Variants in MYCBP2 observed in about 807,000 individuals in gnomAD.
MYCBP2 encodes the protein MYC binding protein 2, also known as E3 ubiquitin-protein ligase MYCBP2.
In MYCBP2, 120 loss-of-function variants were observed where a neutral mutation model predicts 525.3. The observed-to-expected ratio is 0.23, with a 90% CI of 0.20 to 0.27. MYCBP2 has a LOEUF of 0.27. Among genes scored for constraint, MYCBP2 ranks in the 10% least tolerant of loss-of-function variants. MYCBP2 has a pLI of 1.00. For missense variants in MYCBP2, 4,149 were observed against 5,657.1 expected (o/e 0.73, Z 8.55); for synonymous variants, 1,894 against 1,955.8 (o/e 0.97, Z 0.83).
intron 77 of MYCBP2, among the ~76,000 whole-genome samples, chr13:77,059,232 A>T (rs546314300): frequency 3.3e-5 from 5 of 152,346 alleles, no homozygotes; most frequent in African/African-American, 1.2e-4. Flanking sequence ...TAATGTCTGT[A>T]AGAGATAAAG....
rs770824912 is a variant in MYCBP2 at position 77,243,870 on chromosome 13, T to C, written c.2463A>G (p.Gln821=). Residue 821 remains glutamine, a synonymous_variant, in exon 16 of 83, where the codon CAA becomes CAG. Transcript: ENST00000544440. The stretch of plus-strand genomic sequence containing the variant: ...CAAGAATTCCTCTTTGTCTTGCCTC[T>C]TGACCATCTAACTCTCTTGCACAGG... ...CKACARELDG[Q]EARQRGILDA... 6.2e-7 allele frequency: 1 copy of C among 1,613,712 alleles called. No homozygotes were observed. The highest frequency in any genetic ancestry group is 8.5e-7 in the Non-Finnish European group (1 of 1,179,904).
intron 15 of MYCBP2, among the ~76,000 whole-genome samples, chr13:77,245,841 T>C (rs1356660407): frequency 5.7e-5 from 7 of 122,088 alleles, no homozygotes; most frequent in Non-Finnish European, 1.3e-4. Context: ...TATATGTATA[T>C]ATATATGTAT....
chr13:77,211,251 C>A lies in MYCBP2; in HGVS notation c.3332G>T (p.Ser1111Ile). ...KCLLINKVDGSCKTFNDSEQE... is the reference protein window; with the variant it reads ...KCLLINKVDGICKTFNDSEQE... ...TTCTGAGTCATTAAAAGTTTTACAA[C>A]TCCCATCCACTTTATTTATCAGAAG... The change falls in exon 23 of 83, where the codon AGT becomes ATT. Residue 1111 changes from serine (S) to isoleucine (I), a missense_variant. Ser to Ile is a moderately radical substitution (Grantham distance 142). Transcript: ENST00000544440. The A allele has an allele frequency of 6.5e-7, 1 of 1,546,984 alleles. No individual in the cohort carries two copies. The highest frequency in any genetic ancestry group is 8.7e-7 in the Non-Finnish European group (1 of 1,143,168).
rs1236915055 is a variant in MYCBP2 at position 77,168,576 on chromosome 13, G to A, written c.5966C>T (p.Ala1989Val). The change falls in exon 40 of 83, where the codon GCA becomes GTA. Residue 1989 changes from alanine to valine, a missense_variant. Around this residue, in one of 21 missense-constraint regions of MYCBP2, gnomAD observed 692 missense variants for 852.7 expected, o/e 0.81. Transcript: ENST00000544440. Reference sequence around the variant, plus strand: ...CTGATTAGGGTTGAAGGCAGGCGGTGCATACTTCTGATTCAAAATGGCAAC... The same window carrying A: ...CTGATTAGGGTTGAAGGCAGGCGGTACATACTTCTGATTCAAAATGGCAAC... The part of the protein sequence containing the change: ...PSVAILNQKY[A>V]PPAFNPNQST... The A allele has an allele frequency of 6.2e-7, 1 of 1,614,168 alleles. No homozygotes were observed. The highest frequency in any genetic ancestry group is 8.5e-7 in the Non-Finnish European group (1 of 1,180,030).
chr13:77,082,939 A>G (rs1311344397), intron 63 of MYCBP2, 93 bp downstream of exon 63: 5 of 1,286,078 alleles, frequency 3.9e-6, no homozygotes, highest in Non-Finnish European at 4.3e-6. Context: ...CTATCTTACT[A>G]TTTAAAGAGC....
At chr13:77,097,349 A>G (rs1245061410) in intron 56 of MYCBP2, 21 bp downstream of exon 56, 2 of 1,572,232 alleles carry the variant, frequency 1.3e-6, no homozygotes, top group African/African-American at 2.8e-5. Flanking sequence ...ACTTATACGT[A>G]CATTCAACAG....
At chr13:77,057,492 T>G (rs1189112907) in intron 78 of MYCBP2, among the ~76,000 whole-genome samples, 1 of 152,158 alleles carries the variant, frequency 6.6e-6, no homozygotes, top group Non-Finnish European at 1.5e-5. Flanking sequence ...TGGGCAAAAG[T>G]TAAAAAAACC....
At chr13:77,296,547 C>G in intron 2 of MYCBP2, 52 bp downstream of exon 2, 1 of 1,515,452 alleles carries the variant, frequency 6.6e-7, no homozygotes, top group Non-Finnish European at 8.8e-7. Context: ...CATTTTTATT[C>G]AAATCACCAT....
chr13:77,087,593 G>T lies in MYCBP2; in HGVS notation c.10766C>A (p.Ser3589Tyr). 1 of 1,613,206 alleles carries T rather than the reference G, an allele frequency of 6.2e-7. No individual in the cohort carries two copies. Among genetic ancestry groups the T allele is most frequent in the Non-Finnish European group, 8.5e-7 (1 of 1,179,530 alleles). The change falls in exon 62 of 83, where the codon TCT becomes TAT. Residue 3589 changes from serine (S) to tyrosine (Y), a missense_variant. Physicochemically the swap from Ser to Tyr is moderately radical, Grantham distance 144. This residue lies in a region of MYCBP2 where 509 missense variants were observed against 789.4 expected (regional missense o/e 0.64). Transcript: ENST00000544440. ...AAAATGCCACAGAATATCATGGAGA[G>T]AAGTGGTTTGGATGACATTACACAG... ...WLLCNVIQTTSLHDILWHFVA... is the reference protein window; with the variant it reads ...WLLCNVIQTTYLHDILWHFVA...
intron 50 of MYCBP2, 56 bp from the exon 51 acceptor site, chr13:77,140,219 CAAGT>C: frequency 1.8e-6 from 2 of 1,105,754 alleles, no homozygotes; most frequent in Non-Finnish European, 2.6e-6. Flanking sequence ...AGAGATCTTA[CAAGT>C]AGCAAGAAGT....
At chr13:77,091,936 G>A (rs1261540116) in intron 59 of MYCBP2, among the ~76,000 whole-genome samples, 1 of 152,016 alleles carries the variant, frequency 6.6e-6, no homozygotes, top group Admixed American at 6.6e-5. Flanking sequence ...TTTAAAAAGT[G>A]TATCTCCTTT....
rs2082379310 is a variant in MYCBP2, at chr13:77,326,833, G to C, written c.-58C>G. On this transcript the variant is annotated 5_prime_UTR_variant, in exon 1 of 83. Transcript: ENST00000544440. The surrounding 1 kb of genome is among the most constrained non-coding windows in gnomAD (Gnocchi z 4.2). ...CCCCGCGGGCCGGGCGGGCAGACAC[G>C]CGCGCGCACACACAGCCCTTTTCCA... 1 of 1,363,762 alleles carries C rather than the reference G, an allele frequency of 7.3e-7. No homozygotes were observed. The highest frequency in any genetic ancestry group is 9.4e-7 in the Non-Finnish European group (1 of 1,068,046). The allele number at this position is 1,363,762 out of a possible 1,614,324, so 84.5% of individuals were successfully genotyped here. A position where few individuals can be genotyped will look rare whatever the true frequency, so the allele number is the denominator to read the frequency against.
In MYCBP2 at chr13:77,126,378, G is replaced by A. The variant is rs749070849; in HGVS notation, c.7824C>T (p.Asn2608=). Residue 2608 remains asparagine (N), a synonymous_variant, in exon 53 of 83, where the codon AAC becomes AAT. Transcript: ENST00000544440. ...ACATTCCAATTGGGATACCTCTAAG[G>A]TTAGGGCAGCTTCTGATGTTGTGAC... ...PSGHNIRSCP[N]LRGIPIGMLV... The A allele has an allele frequency of 1.2e-5, 19 of 1,613,752 alleles. No individual in the cohort carries two copies. The highest frequency in any genetic ancestry group is 1.5e-5 in the Non-Finnish European group (18 of 1,179,860).
chr13:77,154,869 A>G (rs2057020289), intron 46 of MYCBP2, among the ~76,000 whole-genome samples: 1 of 152,072 alleles, frequency 6.6e-6, no homozygotes, highest in African/African-American at 2.4e-5. Flanking sequence ...AATAATTCCA[A>G]GTAGGCATGA....
At chr13:77,083,001 T>C (rs776096230) in intron 63 of MYCBP2, 31 bp downstream of exon 63, 3 of 1,582,374 alleles carry the variant, frequency 1.9e-6, no homozygotes, top group South Asian at 1.2e-5. Context: ...TCTTGTCCAA[T>C]GTACCTAGGA....
rs1338644695 is a variant in MYCBP2 at position 77,062,710 on chromosome 13, A to C, written c.12673-13T>G. ...GAGCAAGCCAGAGCTGTTGAAAGGGAAGGCTGTTACACCACTGAATTTTTA... is the reference window on the plus strand; with the variant it reads ...GAGCAAGCCAGAGCTGTTGAAAGGGCAGGCTGTTACACCACTGAATTTTTA... On this transcript the variant is annotated splice_polypyrimidine_tract_variant and intron_variant, in intron 73 of 82. Transcript: ENST00000544440. 5 of 1,609,226 alleles carry C rather than the reference A, an allele frequency of 3.1e-6. No homozygotes were observed. In the African/African-American group the frequency reaches 5.3e-5, roughly 17 times the overall value.
At chr13:77,190,191 A>C in intron 29 of MYCBP2, 61 bp downstream of exon 29, 2 of 1,092,414 alleles carry the variant, frequency 1.8e-6, no homozygotes, top group South Asian at 3.4e-5. Flanking sequence ...TTTTGTAATG[A>C]TTCTACTTCA....
chr13:77,245,831 T>C (rs982890030), intron 15 of MYCBP2, among the ~76,000 whole-genome samples: 9 of 137,314 alleles, frequency 6.6e-5, no homozygotes, highest in African/African-American at 2.0e-4. Context: ...ATAATACATA[T>C]ATATGTATAT....
chr13:77,267,407 A>AT (rs1345563913), intron 8 of MYCBP2, among the ~76,000 whole-genome samples: 23 of 149,598 alleles, frequency 1.5e-4, no homozygotes, highest in East Asian at 4.1e-4. Context: ...ATAAAATAAA[A>AT]TAAAATTAAA....
Sources: allele counts gnomAD v4.1 joint callset (sites outside exome capture counted in the v4.1 genomes callset), GRCh38; gene constraint gnomAD v4.1.1; regional missense constraint gnomAD v4.1.1; non-coding constraint Gnocchi (gnomAD v3.1); transcripts MANE v1.5; gene names NCBI Gene and HGNC (gene_info 2026-07-23, HGNC 2026-07-21).